The following BACE2 variants were observed in gnomAD, a reference collection of about 807,000 sequenced individuals.
BACE2 encodes beta-secretase 2.
In BACE2, 17 loss-of-function variants were observed where a neutral mutation model predicts 46.2. That is an observed-to-expected ratio of 0.37 (90% CI 0.25 to 0.55). The LOEUF (loss-of-function observed/expected upper bound fraction) is 0.55. Ranked by LOEUF, BACE2 falls within the 20% of genes least tolerant of loss-of-function variation. BACE2 has a pLI of 0.82. For missense variants in BACE2, 595 were observed against 698.1 expected (o/e 0.85, Z 1.66); for synonymous variants, 277 against 295.9 (o/e 0.94, Z 0.66).
At chr21:41,203,251 T>C (rs988762852) in intron 1 of BACE2, among the ~76,000 whole-genome samples, 1 of 151,926 alleles carries the variant, frequency 6.6e-6, no homozygotes, top group South Asian at 2.1e-4. Flanking sequence ...GGTAGGGAAG[T>C]GTCACAAGTT....
Position 41,174,138 on chromosome 21 carries a change from C to CTTTTTTTTTTTT in BACE2, c.312+5563_312+5564insTTTTTTTTTTTT, listed in dbSNP as rs1568853912. Among the ~76,000 whole-genome samples, 20 of 70,642 alleles carry CTTTTTTTTTTTT rather than the reference C, an allele frequency of 2.8e-4. 2 individuals are homozygous for CTTTTTTTTTTTT. The highest frequency in any genetic ancestry group is 1.2e-3 in the African/African-American group (13 of 10,560). The allele number at this position is 70,642 out of a possible 152,430, so 46.3% of individuals were successfully genotyped here. The stretch of plus-strand genomic sequence containing the variant: ...TAAGGATAGCTGTTGTGATCAGTGG[C>CTTTTTTTTTTTT]CTTTTTTTTTTTTTTTTTTTTTTTT... On this transcript the variant is annotated intron_variant, in intron 1 of 8. Transcript: ENST00000330333.
intron 1 of BACE2, chr21:41,179,340 G>A: frequency 7.6e-7 from 1 of 1,317,620 alleles, no homozygotes; most frequent in Non-Finnish European, 1.0e-6. Context: ...GAGGAGTGAG[G>A]GTATCCAGGG....
intron 1 of BACE2, among the ~76,000 whole-genome samples, chr21:41,174,138 C>CTTTTTTTTTTTTTTTTTTTTTTTTT (rs1568853912): frequency 1.7e-4 from 12 of 70,648 alleles, no homozygotes; most frequent in Middle Eastern, 8.5e-3. Context: ...TGATCAGTGG[C>CTTTTTTTTTTTTTTTTTTTTTTTTT]CTTTTTTTTT....
chr21:41,181,813 C>G (rs151027540), intron 1 of BACE2: 1 of 166,928 alleles, frequency 6.0e-6, no homozygotes, highest in African/African-American at 2.4e-5. Flanking sequence ...CCAGATAGGT[C>G]GGAAGATGAA....
At position 41,234,127 on chromosome 21, in the gene BACE2, G is replaced by A. The variant is rs555143606; in HGVS notation, c.402-3386G>A. ...CGGTTTTTCCCCATACACTGTCTTC[G>A]TGGCAGTGAATAAGTTTTACGAGAT... On this transcript the variant is annotated intron_variant, in intron 2 of 8. Coordinates refer to ENST00000330333, the MANE Select transcript of BACE2 (RefSeq NM_012105.5). Among the ~76,000 whole-genome samples, 170 of 152,184 alleles carry A rather than the reference G, an allele frequency of 1.1e-3. No individual in the cohort carries two copies. The South Asian group carries it at 0.013, about 12-fold the overall frequency.
chr21:41,187,700 A>C (rs1985427377), intron 1 of BACE2, among the ~76,000 whole-genome samples: 1 of 152,078 alleles, frequency 6.6e-6, no homozygotes, highest in Admixed American at 6.5e-5. Context: ...GAGCAAGAGA[A>C]AATGGTTGGG....
intron 5 of BACE2, among the ~76,000 whole-genome samples, chr21:41,245,144 A>G (rs1432448249): frequency 3.3e-5 from 5 of 152,258 alleles, no homozygotes; most frequent in African/African-American, 1.2e-4. Context: ...CACTGAAAAT[A>G]ATTTAATATT....
At position 41,257,452 on chromosome 21, in the gene BACE2, G is replaced by T. The variant is rs911008789; in HGVS notation, c.1303+126G>T. 2.8e-5 allele frequency: 31 copies of T among 1,107,914 alleles called. No individual in the cohort carries two copies. In the African/African-American group the frequency reaches 4.1e-4, roughly 15 times the overall value. 68.6% of individuals were successfully genotyped at this position (1,107,914 alleles called of 1,614,324 possible). On this transcript the variant is annotated intron_variant, in intron 8 of 8. Transcript: ENST00000330333. The stretch of plus-strand genomic sequence containing the variant: ...ATTGTTTCACTCATTCCTATCACCA[G>T]TGATCAAAATCTTCTCAATAAAATG...
At chr21:41,232,196 T>C (rs1986985408) in intron 2 of BACE2, among the ~76,000 whole-genome samples, 1 of 152,102 alleles carries the variant, frequency 6.6e-6, no homozygotes, top group South Asian at 2.1e-4. Flanking sequence ...TTGGGCAGGA[T>C]ATTTCTGTCG....
At chr21:41,182,373 T>G in intron 1 of BACE2, 1 of 167,066 alleles carries the variant, frequency 6.0e-6, no homozygotes, top group East Asian at 1.9e-4. Context: ...TGTAATTGAT[T>G]CTTGGGGTAT....
chr21:41,236,950 G>A (rs577262352), intron 2 of BACE2, among the ~76,000 whole-genome samples: 19 of 152,314 alleles, frequency 1.2e-4, no homozygotes, highest in South Asian at 4.1e-4. Context: ...ACACCAGTGC[G>A]TCCCTTCCAC....
intron 1 of BACE2, among the ~76,000 whole-genome samples, chr21:41,198,206 G>T (rs1167260678): frequency 6.6e-6 from 1 of 152,142 alleles, no homozygotes; most frequent in Non-Finnish European, 1.5e-5. Context: ...GGCCAGGCTG[G>T]TCTTGAGCTC....
intron 1 of BACE2, among the ~76,000 whole-genome samples, chr21:41,171,103 G>T (rs1026613318): frequency 8.5e-5 from 13 of 152,194 alleles, no homozygotes; most frequent in African/African-American, 3.1e-4. Context: ...GATCTCTTTG[G>T]TTTTGGCCTC....
At chr21:41,186,996 G>GC (rs1985401370) in intron 1 of BACE2, among the ~76,000 whole-genome samples, 1 of 152,230 alleles carries the variant, frequency 6.6e-6, no homozygotes, top group Non-Finnish European at 1.5e-5. Flanking sequence ...ATGGAAAACT[G>GC]CATCTGCCCT....
At position 41,193,777 on chromosome 21, in the gene BACE2, C is replaced by T. The variant is rs866921604; in HGVS notation, c.312+25202C>T. ...ACTGTAAGTTGGACCTGAGCTAAAA[C>T]TCCTTTAAGTACCTGACTTCCGTAA... On this transcript the variant is annotated intron_variant, in intron 1 of 8. Coordinates refer to ENST00000330333, the MANE Select transcript of BACE2 (RefSeq NM_012105.5). This position sits in a 1 kb window ranked among gnomAD's most constrained non-coding sequence, Gnocchi z 4.2. Among the ~76,000 whole-genome samples, 3 of 152,218 alleles carry T rather than the reference C, an allele frequency of 2.0e-5. No individual in the cohort carries two copies. Among genetic ancestry groups the T allele is most frequent in the African/African-American group, 7.2e-5 (3 of 41,452 alleles).
chr21:41,271,119 G>T (rs984560520), intron 8 of BACE2, among the ~76,000 whole-genome samples: 3 of 151,926 alleles, frequency 2.0e-5, no homozygotes, highest in African/African-American at 7.3e-5. Flanking sequence ...AGCCACTCTG[G>T]ATTTCTTTTG....
At chr21:41,270,691 A>G (rs890616718) in intron 8 of BACE2, among the ~76,000 whole-genome samples, 14 of 152,338 alleles carry the variant, frequency 9.2e-5, no homozygotes, top group African/African-American at 3.4e-4. Flanking sequence ...TATGAATTGA[A>G]TCTTTTGAAA....
At position 41,248,964 on chromosome 21, in the gene BACE2, C is replaced by A. The variant is rs562206824; in HGVS notation, c.985-1788C>A. The stretch of plus-strand genomic sequence containing the variant: ...TGTGCCCCTCCTCGTGGAGCCTCTT[C>A]TTCTGGCCTGAGCCACCTGTTCTTG... On this transcript the variant is annotated intron_variant, in intron 6 of 8. Coordinates refer to ENST00000330333, the MANE Select transcript of BACE2 (RefSeq NM_012105.5). 2.6e-5 allele frequency among the ~76,000 whole-genome samples: 4 copies of A among 152,354 alleles called. No individual in the cohort carries two copies. In the South Asian group the frequency reaches 8.3e-4, roughly 32 times the overall value.
At chr21:41,196,424 G>A (rs747910946) in intron 1 of BACE2, among the ~76,000 whole-genome samples, 2 of 152,054 alleles carry the variant, frequency 1.3e-5, no homozygotes, top group East Asian at 1.9e-4. Context: ...ACCGTGGCAC[G>A]ACTGTCATAG....
Sources: allele counts gnomAD v4.1 joint callset (sites outside exome capture counted in the v4.1 genomes callset), GRCh38; gene constraint gnomAD v4.1.1; non-coding constraint Gnocchi (gnomAD v3.1); transcripts MANE v1.5; gene names NCBI Gene and HGNC (gene_info 2026-07-23, HGNC 2026-07-21).